The following GRID2 variants were observed in gnomAD, a reference collection of about 807,000 sequenced individuals.
GRID2 encodes the protein glutamate receptor ionotropic, delta-2.
In GRID2, 33 loss-of-function variants were observed where a neutral mutation model predicts 114.8. The observed-to-expected ratio is 0.29, with a 90% CI of 0.22 to 0.38. The LOEUF (loss-of-function observed/expected upper bound fraction) is 0.38, where lower values mean the gene tolerates loss of function less well. Among genes scored for constraint, GRID2 ranks in the 10% least tolerant of loss-of-function variants. The pLI is 1.00. For synonymous variants in GRID2, 505 were observed against 449.9 expected (o/e 1.12, Z -1.55); for missense variants, 1,184 against 1,257.7 (o/e 0.94, Z 0.89).
intron 8 of GRID2, among the ~76,000 whole-genome samples, chr4:93,387,274 A>G (rs1366941936): frequency 6.6e-6 from 1 of 152,214 alleles, no homozygotes; most frequent in African/African-American, 2.4e-5. Context: ...GGTTGCTTGT[A>G]TATAACTGTT....
At chr4:92,743,975 C>G (rs1014606995) in intron 2 of GRID2, among the ~76,000 whole-genome samples, 2 of 152,118 alleles carry the variant, frequency 1.3e-5, no homozygotes, top group Admixed American at 6.5e-5. Flanking sequence ...CCTTAGTTCT[C>G]TATTCAAATT....
At chr4:92,703,956 A>G (rs1193115719) in intron 2 of GRID2, among the ~76,000 whole-genome samples, 1 of 152,074 alleles carries the variant, frequency 6.6e-6, no homozygotes, top group African/African-American at 2.4e-5. Context: ...CTCATTAAAT[A>G]CTTCGTAGAT....
In GRID2 at chr4:92,663,117, C is replaced by G. The variant is rs542987668; in HGVS notation, c.244+72831C>G. On this transcript the variant is annotated intron_variant, in intron 2 of 15. Coordinates refer to ENST00000282020, the MANE Select transcript of GRID2 (RefSeq NM_001510.4). The stretch of plus-strand genomic sequence containing the variant: ...TCAGGCCACTACACATATAAAAAGC[C>G]AAACTGCTCAGCCTTGATACAAGTG... 2.4e-4 allele frequency among the ~76,000 whole-genome samples: 37 copies of G among 151,084 alleles called. 1 individual carries two copies. In the East Asian group the frequency reaches 5.6e-3, roughly 23 times the overall value.
At chr4:93,278,200 G>A (rs1579520378) in intron 8 of GRID2, among the ~76,000 whole-genome samples, 1 of 151,664 alleles carries the variant, frequency 6.6e-6, no homozygotes, top group East Asian at 1.9e-4. Context: ...TGGAAGGATA[G>A]TATTGCTCAT....
intron 11 of GRID2, among the ~76,000 whole-genome samples, chr4:93,476,682 T>A (rs1468414146): frequency 1.3e-5 from 2 of 152,064 alleles, no homozygotes; most frequent in African/African-American, 4.8e-5. Flanking sequence ...GCTGAAGATA[T>A]TTCTAAATAT....
At chr4:92,908,316 C>T (rs1309682074) in intron 2 of GRID2, among the ~76,000 whole-genome samples, 1 of 152,044 alleles carries the variant, frequency 6.6e-6, no homozygotes, top group Admixed American at 6.6e-5. Context: ...TATTCCTACT[C>T]TACACATCCA....
chr4:93,064,178 T>A (rs1728061058), intron 2 of GRID2, among the ~76,000 whole-genome samples: 1 of 150,390 alleles, frequency 6.6e-6, no homozygotes, highest in Non-Finnish European at 1.5e-5. Context: ...TAATTGCAGA[T>A]TTTGCTAGTT....
At chr4:93,613,020 C>G (rs1210309513) in intron 13 of GRID2, among the ~76,000 whole-genome samples, 9 of 130,300 alleles carry the variant, frequency 6.9e-5, no homozygotes, top group East Asian at 2.1e-4. Context: ...TCTTTTTATT[C>G]TTTTTTCTCT....
intron 2 of GRID2, among the ~76,000 whole-genome samples, chr4:92,727,917 G>A (rs535378922): frequency 7.9e-5 from 12 of 151,878 alleles, no homozygotes; most frequent in Non-Finnish European, 1.3e-4. Context: ...TCCAATATAC[G>A]GCTTTGCAAA....
intron 2 of GRID2, among the ~76,000 whole-genome samples, chr4:92,886,005 A>G (rs923691577): frequency 6.6e-6 from 1 of 152,194 alleles, no homozygotes; most frequent in Non-Finnish European, 1.5e-5. Context: ...TGCAAGATCA[A>G]TATCTTGATT....
chr4:92,338,806 T>C (rs993954163), intron 1 of GRID2, among the ~76,000 whole-genome samples: 22 of 152,272 alleles, frequency 1.4e-4, no homozygotes, highest in African/African-American at 5.3e-4. Flanking sequence ...TTATTTAAAA[T>C]CTTAAATTAT....
chr4:92,692,243 T>A (rs115850431), intron 2 of GRID2, among the ~76,000 whole-genome samples: 6,183 of 152,278 alleles, frequency 0.041, 152 homozygotes, highest in Middle Eastern at 0.093. Context: ...CTGTTTAAGT[T>A]CTATTTTGTT....
At chr4:93,312,693 A>G (rs1026343894) in intron 8 of GRID2, among the ~76,000 whole-genome samples, 3 of 152,168 alleles carry the variant, frequency 2.0e-5, no homozygotes, top group African/African-American at 7.2e-5. Context: ...TTATAAGTGA[A>G]CTAGAATACA....
intron 2 of GRID2, among the ~76,000 whole-genome samples, chr4:92,960,504 A>G (rs929996707): frequency 4.1e-4 from 63 of 152,044 alleles, no homozygotes; most frequent in Admixed American, 4.1e-3. Flanking sequence ...TCCCTTTATC[A>G]TGTAATGCTC....
chr4:92,385,910 A>G (rs1015044594), intron 1 of GRID2, among the ~76,000 whole-genome samples: 6 of 148,670 alleles, frequency 4.0e-5, no homozygotes, highest in African/African-American at 1.5e-4. Context: ...GTATATATAT[A>G]TATATATATA....
At chr4:93,122,082 A>G (rs1733829337) in intron 4 of GRID2, among the ~76,000 whole-genome samples, 1 of 152,112 alleles carries the variant, frequency 6.6e-6, no homozygotes, top group South Asian at 2.1e-4. Flanking sequence ...ATAGTGATGA[A>G]CAGAAGTTCT....
At chr4:93,545,658 A>T (rs1733141695) in intron 13 of GRID2, among the ~76,000 whole-genome samples, 1 of 152,198 alleles carries the variant, frequency 6.6e-6, no homozygotes, top group South Asian at 2.1e-4. Context: ...GTTCAGTGAC[A>T]TCACATTGGT....
At chr4:93,524,098 T>C (rs571558995) in intron 13 of GRID2, among the ~76,000 whole-genome samples, 1 of 152,190 alleles carries the variant, frequency 6.6e-6, no homozygotes, top group Admixed American at 6.6e-5. Flanking sequence ...CTTGCTAATA[T>C]ATTAACTAGG....
chr4:92,306,766 T>C (rs1725429571), intron 1 of GRID2, among the ~76,000 whole-genome samples: 1 of 152,220 alleles, frequency 6.6e-6, no homozygotes, highest in African/African-American at 2.4e-5. Context: ...CTGTTGTCTG[T>C]CAGAGTGGCT....
Sources: allele counts gnomAD v4.1 joint callset (sites outside exome capture counted in the v4.1 genomes callset), GRCh38; gene constraint gnomAD v4.1.1; transcripts MANE v1.5; gene names NCBI Gene and HGNC (gene_info 2026-07-23, HGNC 2026-07-21).